Variants in ZNF496 observed in about 807,000 individuals in gnomAD.
ZNF496 encodes the protein zinc finger protein 496, also known as NSD1 (nuclear receptor binding SET-domain containing 1)-interacting zinc finger protein 1.
A neutral mutation model predicts 58.9 loss-of-function variants in ZNF496; 11 were observed. That is an observed-to-expected ratio of 0.19 (90% CI 0.12 to 0.31). ZNF496 has a LOEUF of 0.31. Among genes scored for constraint, ZNF496 ranks in the 10% least tolerant of loss-of-function variants. The pLI is 1.00. For missense variants in ZNF496, 660 were observed against 783.0 expected (o/e 0.84, Z 1.88); for synonymous variants, 338 against 318.2 (o/e 1.06, Z -0.66).
Position 247,300,392 on chromosome 1 carries a change from G to T in ZNF496, c.*127C>A. The T allele has an allele frequency of 9.3e-7, 1 of 1,075,896 alleles. No homozygotes were observed. The allele number at this position is 1,075,896 out of a possible 1,614,324, so 66.6% of individuals were successfully genotyped here. ...GGCACCACCCGAACGCTCACTACCT[G>T]AGAGCAAGGACAGGAGGGAGGTGTG... On this transcript the variant is annotated 3_prime_UTR_variant, in exon 10 of 10. Transcript: ENST00000682384. The surrounding 1 kb of genome is among the most constrained non-coding windows in gnomAD (Gnocchi z 5.7).
chr1:247,326,087 TATAC>T (rs1660115233), intron 5 of ZNF496, among the ~76,000 whole-genome samples: 1 of 146,788 alleles, frequency 6.8e-6, no homozygotes, highest in African/African-American at 2.5e-5. Flanking sequence ...CACACACATA[TATAC>T]ACACACATAT....
In ZNF496 at chr1:247,308,420, G is replaced by A. The variant is rs1328583785; in HGVS notation, c.1006+55C>T. On this transcript the variant is annotated intron_variant, in intron 9 of 9. Transcript: ENST00000682384. The surrounding 1 kb of genome is among the most constrained non-coding windows in gnomAD (Gnocchi z 4.5). ...GCCACACATGCATACATACATTCAT[G>A]CGACACACCACAGACACACAGGGAC... 1 of 1,504,840 alleles carries A rather than the reference G, an allele frequency of 6.6e-7. No homozygotes were observed. Among genetic ancestry groups the A allele is most frequent in the Non-Finnish European group, 9.2e-7 (1 of 1,082,220 alleles). The allele number at this position is 1,504,840 out of a possible 1,614,324, so 93.2% of individuals were successfully genotyped here.
chr1:247,325,661 G>T (rs571870695), intron 5 of ZNF496, among the ~76,000 whole-genome samples: 2 of 152,056 alleles, frequency 1.3e-5, no homozygotes, highest in Non-Finnish European at 2.9e-5. Flanking sequence ...TCTCCCAGAG[G>T]GGGTGTTTTA....
Position 247,309,278 on chromosome 1 carries a change from G to A in ZNF496, c.892+421C>T. 1.6e-6 allele frequency: 1 copy of A among 627,224 alleles called. No individual in the cohort carries two copies. The highest frequency in any genetic ancestry group is 2.0e-6 in the Non-Finnish European group (1 of 490,696). The allele number at this position is 627,224 out of a possible 1,614,324, so 38.9% of individuals were successfully genotyped here. On this transcript the variant is annotated intron_variant, in intron 8 of 9. Transcript: ENST00000682384. The surrounding 1 kb of genome is among the most constrained non-coding windows in gnomAD (Gnocchi z 4.3). ...ACCCCAGTGTCCTCACAGCACCCCT[G>A]TACCAGGCAGATGGGAAGACTAGAC...
rs1351612082 is a variant in ZNF496 at position 247,300,476 on chromosome 1, G to A, written c.*43C>T. The A allele has an allele frequency of 6.4e-7, 1 of 1,560,644 alleles. No homozygotes were observed. Among genetic ancestry groups the A allele is most frequent in the Non-Finnish European group, 8.7e-7 (1 of 1,152,200 alleles). On this transcript the variant is annotated 3_prime_UTR_variant, in exon 10 of 10. Coordinates refer to ENST00000682384, the MANE Select transcript of ZNF496 (RefSeq NM_032752.3). This position sits in a 1 kb window ranked among gnomAD's most constrained non-coding sequence, Gnocchi z 5.7. The stretch of plus-strand genomic sequence containing the variant: ...GGGCGCTGATCAGTACCAAGGTGAG[G>A]GGGCAGCACCAGCCAGGGTGAGGCC...
At chr1:247,310,177 C>T in intron 7 of ZNF496, 147 bp downstream of exon 7, 1 of 1,469,782 alleles carries the variant, frequency 6.8e-7, no homozygotes, top group Non-Finnish European at 9.0e-7. Flanking sequence ...GTGCAAATGA[C>T]CTCCTGTCCA....
intron 5 of ZNF496, among the ~76,000 whole-genome samples, chr1:247,327,482 C>G (rs960978307): frequency 6.6e-6 from 1 of 152,228 alleles, no homozygotes; most frequent in Non-Finnish European, 1.5e-5. Flanking sequence ...TGACTTCAGA[C>G]TTCCAGCCTC....
chr1:247,330,295 C>T (rs1558160285), intron 2 of ZNF496, among the ~76,000 whole-genome samples: 1 of 152,226 alleles, frequency 6.6e-6, no homozygotes, highest in African/African-American at 2.4e-5. Context: ...AACACTGCAT[C>T]TAGAAGTATC....
Position 247,299,534 on chromosome 1 carries a change from A to G in ZNF496, c.*985T>C, listed in dbSNP as rs1050507523. The G allele has an allele frequency of 2.0e-5, 3 of 152,256 alleles. No homozygotes were observed. Among genetic ancestry groups the G allele is most frequent in the African/African-American group, 7.2e-5 (3 of 41,458 alleles). The allele number at this position is 152,256 out of a possible 1,614,324, so 9.4% of individuals were successfully genotyped here. A position where few individuals can be genotyped will look rare whatever the true frequency, so the allele number is the denominator to read the frequency against. On this transcript the variant is annotated 3_prime_UTR_variant, in exon 10 of 10. Transcript: ENST00000682384. ...AGTGTTTGGACACACCAGCACTCCA[A>G]GCTAATGTATCTATCAAGTGTGTTG...
intron 9 of ZNF496, among the ~76,000 whole-genome samples, chr1:247,304,649 G>A (rs993723749): frequency 6.6e-6 from 1 of 152,096 alleles, no homozygotes; most frequent in Non-Finnish European, 1.5e-5. Flanking sequence ...TGGGATTATA[G>A]GCACGAGCCA....
At chr1:247,324,399 C>T (rs1184131405) in intron 5 of ZNF496, among the ~76,000 whole-genome samples, 2 of 152,176 alleles carry the variant, frequency 1.3e-5, no homozygotes, top group Admixed American at 6.5e-5. Context: ...TATTGCACAA[C>T]ATGGTGACTA....
intron 6 of ZNF496, among the ~76,000 whole-genome samples, chr1:247,317,380 T>G (rs1228242400): frequency 3.3e-5 from 5 of 152,180 alleles, no homozygotes; most frequent in Admixed American, 3.3e-4. Flanking sequence ...AGGTAATAAC[T>G]GCTCTACTCC....
At chr1:247,328,615 A>AC (rs1660216670) in intron 5 of ZNF496, 68 bp downstream of exon 5, 1 of 1,419,864 alleles carries the variant, frequency 7.0e-7, no homozygotes, top group Admixed American at 2.6e-5. Flanking sequence ...CAAAAACCAC[A>AC]CCCAGTGCAC....
Position 247,300,308 on chromosome 1 carries a change from G to T in ZNF496, c.*211C>A. ...ATCCCCCCCGTTTTTTGGCACAGCAGAAACAGAACACTCACTTGGCCACTC... is the reference window on the plus strand; with the variant it reads ...ATCCCCCCCGTTTTTTGGCACAGCATAAACAGAACACTCACTTGGCCACTC... On this transcript the variant is annotated 3_prime_UTR_variant, in exon 10 of 10. Transcript: ENST00000682384. This position sits in a 1 kb window ranked among gnomAD's most constrained non-coding sequence, Gnocchi z 5.7. 2 of 494,660 alleles carry T rather than the reference G, an allele frequency of 4.0e-6. No individual in the cohort carries two copies. Among genetic ancestry groups the T allele is most frequent in the Non-Finnish European group, 6.8e-6 (2 of 292,062 alleles). The allele number at this position is 494,660 out of a possible 1,614,324, so 30.6% of individuals were successfully genotyped here.
chr1:247,299,633 T>G lies in ZNF496; in HGVS notation c.*886A>C, dbSNP rs1464139133. On this transcript the variant is annotated 3_prime_UTR_variant, in exon 10 of 10. Transcript: ENST00000682384. ...CCTCACTGGGGGCAGAGCTCCACAT[T>G]CCTAGACAGGACAGATTGGAAGAAG... 3 of 152,234 alleles carry G rather than the reference T, an allele frequency of 2.0e-5. No homozygotes were observed. The highest frequency in any genetic ancestry group is 4.8e-5 in the African/African-American group (2 of 41,442). 9.4% of individuals were successfully genotyped at this position (152,234 alleles called of 1,614,324 possible).
chr1:247,330,459 C>T (rs1437381190), intron 2 of ZNF496, among the ~76,000 whole-genome samples: 2 of 152,224 alleles, frequency 1.3e-5, no homozygotes, highest in South Asian at 2.1e-4. Context: ...GGGTCCGTCA[C>T]TGCACAGCTC....
At chr1:247,304,223 G>A (rs989953567) in intron 9 of ZNF496, among the ~76,000 whole-genome samples, 4 of 152,158 alleles carry the variant, frequency 2.6e-5, no homozygotes, top group African/African-American at 7.2e-5. Context: ...CTGTCATCAT[G>A]GGACCAGAGA....
Position 247,299,704 on chromosome 1 carries a change from C to A in ZNF496, c.*815G>T, listed in dbSNP as rs1366448329. ...CGATGACAACTCCGCTTCCAACCCA[C>A]AAGCATTTACCAAGGATCTTTGGGG... On this transcript the variant is annotated 3_prime_UTR_variant, in exon 10 of 10. Transcript: ENST00000682384. 1 of 152,258 alleles carries A rather than the reference C, an allele frequency of 6.6e-6. No individual in the cohort carries two copies. The highest frequency in any genetic ancestry group is 1.5e-5 in the Non-Finnish European group (1 of 68,056). 9.4% of individuals were successfully genotyped at this position (152,258 alleles called of 1,614,324 possible).
chr1:247,314,531 G>A (rs1027013305), intron 6 of ZNF496, among the ~76,000 whole-genome samples: 4 of 150,096 alleles, frequency 2.7e-5, no homozygotes, highest in Non-Finnish European at 4.4e-5. Flanking sequence ...TAATTGGAAA[G>A]GACCACAAAA....
Sources: allele counts gnomAD v4.1 joint callset (sites outside exome capture counted in the v4.1 genomes callset), GRCh38; gene constraint gnomAD v4.1.1; non-coding constraint Gnocchi (gnomAD v3.1); transcripts MANE v1.5; gene names NCBI Gene and HGNC (gene_info 2026-07-23, HGNC 2026-07-21).